The following AFF3 variants were observed in gnomAD, a reference collection of about 807,000 sequenced individuals.
AFF3 encodes ALF transcription elongation factor 3.
In AFF3, 32 loss-of-function variants were observed where a neutral mutation model predicts 129.7. That is an observed-to-expected ratio of 0.25 (90% confidence interval 0.19 to 0.33). The LOEUF is 0.33. AFF3 is among the 10% of genes least tolerant of loss of function. The pLI is 1.00. For synonymous variants in AFF3, 644 were observed against 635.4 expected (o/e 1.01, Z -0.20); for missense variants, 1,373 against 1,592.0 (o/e 0.86, Z 2.34).
Position 100,007,013 on chromosome 2 carries a change from T to C in AFF3, c.492A>G (p.Gln164=), listed in dbSNP as rs762395651. 6.9e-6 allele frequency: 11 copies of C among 1,604,574 alleles called. No homozygotes were observed. The highest frequency in any genetic ancestry group is 9.4e-6 in the Non-Finnish European group (11 of 1,174,226). ...CAAGCAAGGTCCTGAGAGAGCCCTG[T>C]TGTGCTGAGTTGGAAGAAGAAGAAG... ...PPSDGQQRAT[Q]QGSLRTLLGD... The change falls in exon 7 of 25, where the codon CAA becomes CAG. Residue 164 remains glutamine (Q), a synonymous_variant. Coordinates refer to ENST00000672756, the MANE Select transcript of AFF3 (RefSeq NM_001386135.1).
chr2:100,064,266 A>ACTAT (rs1008714930), intron 4 of AFF3, among the ~76,000 whole-genome samples: 9 of 152,184 alleles, frequency 5.9e-5, no homozygotes, highest in Middle Eastern at 3.2e-3. Flanking sequence ...TCTATTTCTT[A>ACTAT]CTATCACCTA....
At chr2:99,805,125 CA>C (rs999162032) in intron 8 of AFF3, among the ~76,000 whole-genome samples, 2 of 152,108 alleles carry the variant, frequency 1.3e-5, no homozygotes, top group African/African-American at 4.8e-5. Flanking sequence ...GTGTAATTGA[CA>C]GCAAATAATG....
At chr2:100,076,398 T>TA (rs1364597539) in intron 4 of AFF3, among the ~76,000 whole-genome samples, 1 of 152,138 alleles carries the variant, frequency 6.6e-6, no homozygotes, top group African/African-American at 2.4e-5. Flanking sequence ...CCCAGGGCTT[T>TA]AAAAAAGCCT....
In AFF3 at chr2:100,008,885, C is replaced by T. The variant is rs372716710; in HGVS notation, c.101G>A (p.Arg34Lys). ...ATCCTGTTGAGTTTCTTGATTTCTT[C>T]TTTCTCGTTCTTTCCTCCGTAATGC... ...RNALRRKERE[R>K]RNQETQQDDG... The change falls in exon 5 of 25, where the codon AGA (arginine) becomes AAA (lysine). Residue 34 changes from arginine to lysine, a missense_variant. Transcript: ENST00000672756. 2.0e-5 allele frequency: 32 copies of T among 1,614,026 alleles called. No individual in the cohort carries two copies. The highest frequency in any genetic ancestry group is 1.5e-4 in the South Asian group (14 of 91,000).
intron 14 of AFF3, among the ~76,000 whole-genome samples, chr2:99,597,725 C>T (rs562162433): frequency 2.7e-4 from 41 of 152,386 alleles, no homozygotes; most frequent in Non-Finnish European, 4.7e-4. Flanking sequence ...AGGCTGCAGA[C>T]GCCAGGCCAC....
chr2:100,107,097 G>A, intron 2 of AFF3: 1 of 985,426 alleles, frequency 1.0e-6, no homozygotes, highest in Non-Finnish European at 1.2e-6. Flanking sequence ...CCTCTAACAT[G>A]GGGATAGTTG....
chr2:100,031,276 A>C (rs538870713), intron 4 of AFF3, among the ~76,000 whole-genome samples: 1 of 152,350 alleles, frequency 6.6e-6, no homozygotes, highest in South Asian at 2.1e-4. Context: ...TGAATAATGG[A>C]ACCAAGATTT....
At chr2:99,875,647 G>T (rs1477503758) in intron 7 of AFF3, among the ~76,000 whole-genome samples, 1 of 152,132 alleles carries the variant, frequency 6.6e-6, no homozygotes, top group Non-Finnish European at 1.5e-5. Flanking sequence ...ACCGGGCATG[G>T]CAAGTACTCA....
In AFF3 at chr2:99,714,047, G is replaced by A. The variant is rs192275377; in HGVS notation, c.1091+13030C>T. Among the ~76,000 whole-genome samples the A allele has an allele frequency of 5.2e-3, 788 of 152,188 alleles. 7 individuals are homozygous for A. Among genetic ancestry groups the A allele is most frequent in the African/African-American group, 0.017 (722 of 41,506 alleles). ...TCTCTTTTACGACCTCTGGGAACCCGGACCTTCCAATGTCGTGCCAGAACA... is the reference window on the plus strand; with the variant it reads ...TCTCTTTTACGACCTCTGGGAACCCAGACCTTCCAATGTCGTGCCAGAACA... On this transcript the variant is annotated intron_variant, in intron 11 of 24. Coordinates refer to ENST00000672756, the MANE Select transcript of AFF3 (RefSeq NM_001386135.1).
chr2:100,020,551 G>A (rs138380912), intron 4 of AFF3, among the ~76,000 whole-genome samples: 3 of 152,012 alleles, frequency 2.0e-5, no homozygotes, highest in Non-Finnish European at 4.4e-5. Context: ...CCACCACACC[G>A]ACCCCAACCC....
At chr2:100,027,328 A>T (rs1374415701) in intron 4 of AFF3, among the ~76,000 whole-genome samples, 7 of 152,188 alleles carry the variant, frequency 4.6e-5, no homozygotes, top group Non-Finnish European at 1.0e-4. Flanking sequence ...ATTCCCCAGG[A>T]TACCTCAGAA....
intron 13 of AFF3, among the ~76,000 whole-genome samples, chr2:99,629,533 G>A (rs945156283): frequency 9.2e-5 from 14 of 152,246 alleles, no homozygotes; most frequent in East Asian, 7.7e-4. Flanking sequence ...CTGTAGACCC[G>A]ATTACATAGA....
intron 7 of AFF3, among the ~76,000 whole-genome samples, chr2:99,976,899 C>G (rs1244559982): frequency 6.6e-6 from 1 of 151,086 alleles, no homozygotes; most frequent in Non-Finnish European, 1.5e-5. Flanking sequence ...TGAAATTATT[C>G]CACCTGGGGA....
intron 16 of AFF3, among the ~76,000 whole-genome samples, chr2:99,586,424 C>T (rs1362592511): frequency 6.6e-6 from 1 of 152,200 alleles, no homozygotes; most frequent in African/African-American, 2.4e-5. Flanking sequence ...TTTCAGTTTA[C>T]ATTTTTATGT....
intron 8 of AFF3, among the ~76,000 whole-genome samples, chr2:99,835,342 C>G (rs181312305): frequency 8.7e-4 from 132 of 152,296 alleles, no homozygotes; most frequent in African/African-American, 3.1e-3. Context: ...CTGCCTTTCC[C>G]TCTCCTTGGA....
At chr2:100,076,033 G>C (rs1688564855) in intron 4 of AFF3, among the ~76,000 whole-genome samples, 1 of 152,120 alleles carries the variant, frequency 6.6e-6, no homozygotes, top group Admixed American at 6.6e-5. Flanking sequence ...AGCATGCAAA[G>C]CAAATTAGAA....
chr2:99,788,350 A>G (rs1684958163), intron 8 of AFF3, among the ~76,000 whole-genome samples: 1 of 152,178 alleles, frequency 6.6e-6, no homozygotes, highest in African/African-American at 2.4e-5. Flanking sequence ...CCACCCCTGA[A>G]GACCTCCCAG....
In AFF3 at chr2:99,858,667, C is replaced by T. The variant is rs947446788; in HGVS notation, c.874-21143G>A. Among the ~76,000 whole-genome samples, 6 of 152,162 alleles carry T rather than the reference C, an allele frequency of 3.9e-5. 1 individual carries two copies. Among genetic ancestry groups the T allele is most frequent in the Admixed American group, 3.3e-4 (5 of 15,270 alleles). ...CACAGGAACAGAAAACCAAATACTG[C>T]ACGTTCTCACTTATAAGTGGGAGCT... On this transcript the variant is annotated intron_variant, in intron 7 of 24. Coordinates refer to ENST00000672756, the MANE Select transcript of AFF3 (RefSeq NM_001386135.1).
intron 7 of AFF3, among the ~76,000 whole-genome samples, chr2:99,960,132 T>G (rs1677078560): frequency 6.6e-6 from 1 of 152,228 alleles, no homozygotes; most frequent in African/African-American, 2.4e-5. Context: ...TTTGCTTACC[T>G]GCTACTTAAG....
Sources: gnomAD v4.1 joint callset for allele counts (sites outside exome capture counted in the v4.1 genomes callset) on GRCh38, gnomAD v4.1.1 for gene constraint, MANE v1.5 for transcripts, NCBI Gene and HGNC (gene_info 2026-07-23, HGNC 2026-07-21) for gene names.